Variants in FNTB observed in about 807,000 individuals in gnomAD.
FNTB encodes farnesyltransferase, CAAX box, subunit beta.
Under a neutral mutation model 59.4 loss-of-function variants are expected in FNTB, and 27 were observed. The ratio of observed to expected loss-of-function variants is 0.45; its 90% CI spans 0.34 to 0.63. The LOEUF is 0.63. Ranked by LOEUF, FNTB falls within the 20% of genes least tolerant of loss-of-function variation. The pLI is 0.02. For synonymous variants in FNTB, 230 were observed against 220.7 expected (o/e 1.04, Z -0.37); for missense variants, 449 against 559.6 (o/e 0.80, Z 1.99).
intron 9 of FNTB, among the ~76,000 whole-genome samples, chr14:65,049,938 G>A (rs983868008): frequency 1.3e-5 from 2 of 151,636 alleles, no homozygotes; most frequent in Admixed American, 6.6e-5. Context: ...AAATCGTGAA[G>A]GAAAAATCAA....
In FNTB at chr14:65,032,799, A is replaced by C. The variant is rs1213226194; in HGVS notation, c.692+103A>C. ...GCAGAGGGACTTGGAAGGAAATACA[A>C]AAATCACAGGAGATCCATTAGGGTT... On this transcript the variant is annotated intron_variant, in intron 7 of 11. Transcript: ENST00000246166. This position sits in a 1 kb window ranked among gnomAD's most constrained non-coding sequence, Gnocchi z 5.0. The C allele has an allele frequency of 1.8e-6, 2 of 1,118,144 alleles. No homozygotes were observed. The highest frequency in any genetic ancestry group is 2.5e-6 in the Non-Finnish European group (2 of 801,868). 69.3% of individuals were successfully genotyped at this position (1,118,144 alleles called of 1,614,324 possible). A position where few individuals can be genotyped will look rare whatever the true frequency, so the allele number is the denominator to read the frequency against.
At chr14:65,045,479 G>A (rs927303418) in intron 9 of FNTB, among the ~76,000 whole-genome samples, 2 of 131,662 alleles carry the variant, frequency 1.5e-5, no homozygotes, top group Non-Finnish European at 1.5e-5. Flanking sequence ...GCAGTGGCAC[G>A]ATCTTGGCTC....
At position 65,044,045 on chromosome 14, in the gene FNTB, T is replaced by TTCC. The variant is rs2062420070; in HGVS notation, c.823-265_823-264insCCT. ...TTATCTTCTCAGCACTGGCACTGCT[T>TTCC]TGGAACCCAGGAAAAGGTAGTTGTC... On this transcript the variant is annotated intron_variant, in intron 8 of 11. Transcript: ENST00000246166. This position sits in a 1 kb window ranked among gnomAD's most constrained non-coding sequence, Gnocchi z 5.5. Among the ~76,000 whole-genome samples the TTCC allele has an allele frequency of 6.6e-6, 1 of 152,042 alleles. No individual in the cohort carries two copies. The highest frequency in any genetic ancestry group is 1.5e-5 in the Non-Finnish European group (1 of 68,006).
Position 65,061,258 on chromosome 14 carries a change from C to T in FNTB, c.1260C>T (p.Val420=), listed in dbSNP as rs1413600303. Residue 420 remains valine, a synonymous_variant, in exon 12 of 12, where the codon GTC becomes GTT. Coordinates refer to ENST00000246166, the MANE Select transcript of FNTB (RefSeq NM_002028.4). Reference sequence around the variant, plus strand: ...CTACATACTTTCTACAGAAGCCAGTCCCAGGTTTTGAGGAGCTTAAGGATG... The same window carrying T: ...CTACATACTTTCTACAGAAGCCAGTTCCAGGTTTTGAGGAGCTTAAGGATG... ...QATTYFLQKP[V]PGFEELKDET... 19 of 1,614,052 alleles carry T rather than the reference C, an allele frequency of 1.2e-5. No individual in the cohort carries two copies. The highest frequency in any genetic ancestry group is 1.5e-5 in the Non-Finnish European group (18 of 1,180,046).
intron 8 of FNTB, among the ~76,000 whole-genome samples, chr14:65,042,492 C>G (rs1471080680): frequency 6.6e-6 from 1 of 152,148 alleles, no homozygotes. Context: ...TGCTGCTGAT[C>G]TGTCAGGAAG....
chr14:64,996,033 G>T (rs1426434205), intron 1 of FNTB, among the ~76,000 whole-genome samples: 1 of 149,950 alleles, frequency 6.7e-6, no homozygotes, highest in Non-Finnish European at 1.5e-5. Flanking sequence ...TGAGGCAGGA[G>T]AATCGCTTGA....
At chr14:65,008,851 A>G (rs1339348274) in intron 2 of FNTB, among the ~76,000 whole-genome samples, 1 of 152,092 alleles carries the variant, frequency 6.6e-6, no homozygotes, top group Non-Finnish European at 1.5e-5. Context: ...GTACACATAG[A>G]TGTGTAAGTT....
chr14:65,053,626 T>TAAAAAAAAAACAAAAAA (rs201689378), intron 10 of FNTB, among the ~76,000 whole-genome samples: 2 of 144,394 alleles, frequency 1.4e-5, no homozygotes, highest in African/African-American at 5.3e-5. Context: ...TTCTTTTTTT[T>TAAAAAAAAAACAAAAAA]AAAAAAAACA....
chr14:65,061,096 G>T, intron 11 of FNTB, 85 bp from the exon 12 acceptor site: 3 of 1,558,088 alleles, frequency 1.9e-6, no homozygotes, highest in Non-Finnish European at 2.6e-6. Context: ...TAAATTCTTA[G>T]AAGTGCCTTT....
rs116194136 is a variant in FNTB, at chr14:65,013,248, T to C, written c.282+859T>C. Among the ~76,000 whole-genome samples, 1,392 of 152,158 alleles carry C rather than the reference T, an allele frequency of 9.1e-3. 22 individuals are homozygous for C. The highest frequency in any genetic ancestry group is 0.031 in the African/African-American group (1,290 of 41,508). ...GGAGACTGAGGCTAACTGGAGACCC[T>C]GTGCCCTTAACTTCTTTCCTGCCCA... On this transcript the variant is annotated intron_variant, in intron 3 of 11. Coordinates refer to ENST00000246166, the MANE Select transcript of FNTB (RefSeq NM_002028.4).
intron 2 of FNTB, among the ~76,000 whole-genome samples, chr14:65,005,038 A>G (rs1168104693): frequency 6.6e-6 from 1 of 152,168 alleles, no homozygotes; most frequent in African/African-American, 2.4e-5. Context: ...TTATTATTTG[A>G]CTGGAAAAAC....
chr14:65,047,897 C>T lies in FNTB; in HGVS notation c.955+3454C>T, dbSNP rs2062517977. Among the ~76,000 whole-genome samples, 1 of 151,776 alleles carries T rather than the reference C, an allele frequency of 6.6e-6. No individual in the cohort carries two copies. The highest frequency in any genetic ancestry group is 2.1e-4 in the South Asian group (1 of 4,824). On this transcript the variant is annotated intron_variant, in intron 9 of 11. Transcript: ENST00000246166. This position sits in a 1 kb window ranked among gnomAD's most constrained non-coding sequence, Gnocchi z 5.2. ...GAGATGTACACAGCTTTTCCTGGAA[C>T]CCTACACAAAACCCCTTGAACAATG...
At position 65,009,411 on chromosome 14, in the gene FNTB, C is replaced by T. The variant is rs114174194; in HGVS notation, c.210-2906C>T. 3.8e-3 allele frequency among the ~76,000 whole-genome samples: 571 copies of T among 152,228 alleles called. 3 individuals are homozygous for T. The highest frequency in any genetic ancestry group is 0.013 in the African/African-American group (531 of 41,528). ...GTAGATTCCCTAACACACCCACCAC[C>T]GTGGCCACTCCACAGCTCTCCCACC... is the stretch of plus-strand genomic sequence containing the variant. On this transcript the variant is annotated intron_variant, in intron 2 of 11. Coordinates refer to ENST00000246166, the MANE Select transcript of FNTB (RefSeq NM_002028.4). The surrounding 1 kb of genome is among the most constrained non-coding windows in gnomAD (Gnocchi z 4.2).
intron 11 of FNTB, among the ~76,000 whole-genome samples, chr14:65,059,929 G>A (rs1050087936): frequency 4.6e-5 from 7 of 150,930 alleles, no homozygotes; most frequent in Admixed American, 3.3e-4. Context: ...CGCCTCCCGG[G>A]TTCAAGCAAT....
chr14:65,026,591 G>A (rs1018260946), intron 4 of FNTB, among the ~76,000 whole-genome samples: 1 of 152,180 alleles, frequency 6.6e-6, no homozygotes, highest in Non-Finnish European at 1.5e-5. Context: ...CGGATGCAGT[G>A]GCTCACACCT....
At position 65,054,819 on chromosome 14, in the gene FNTB, C is replaced by A. The variant is rs1485746179; in HGVS notation, c.1182+130C>A. 9.8e-7 allele frequency: 1 copy of A among 1,019,772 alleles called. No individual in the cohort carries two copies. The highest frequency in any genetic ancestry group is 1.6e-5 in the African/African-American group (1 of 62,758). 63.2% of individuals were successfully genotyped at this position (1,019,772 alleles called of 1,614,324 possible). A position where few individuals can be genotyped will look rare whatever the true frequency, so the allele number is the denominator to read the frequency against. On this transcript the variant is annotated intron_variant, in intron 11 of 11. Coordinates refer to ENST00000246166, the MANE Select transcript of FNTB (RefSeq NM_002028.4). This position sits in a 1 kb window ranked among gnomAD's most constrained non-coding sequence, Gnocchi z 4.4. ...GGAAGCTTGTGGTCCCTCTGCCCTT[C>A]GAGCTGTGCAGCCGTTAGTGAGGAT... is the stretch of plus-strand genomic sequence containing the variant.
In FNTB at chr14:65,029,245, G is replaced by A. The variant is rs2062037111; in HGVS notation, c.605+1464G>A. Among the ~76,000 whole-genome samples, 1 of 152,140 alleles carries A rather than the reference G, an allele frequency of 6.6e-6. No individual in the cohort carries two copies. The highest frequency in any genetic ancestry group is 6.5e-5 in the Admixed American group (1 of 15,276). Reference sequence around the variant, plus strand: ...TGCATCCATTTTCCTTGCTTTGCCTGGTTTCTAGTACCCCGATTCCATCAT... The same window carrying A: ...TGCATCCATTTTCCTTGCTTTGCCTAGTTTCTAGTACCCCGATTCCATCAT... On this transcript the variant is annotated intron_variant, in intron 6 of 11. Coordinates refer to ENST00000246166, the MANE Select transcript of FNTB (RefSeq NM_002028.4). This position sits in a 1 kb window ranked among gnomAD's most constrained non-coding sequence, Gnocchi z 4.7.
intron 7 of FNTB, among the ~76,000 whole-genome samples, chr14:65,037,421 T>TTTTTTTTTTTTTTTTTTTTTG (rs2062223956): frequency 9.2e-6 from 1 of 108,682 alleles, no homozygotes; most frequent in African/African-American, 4.0e-5. Context: ...TTTTTTTTTT[T>TTTTTTTTTTTTTTTTTTTTTG]TTTTTTTTTT....
At chr14:65,059,835 T>TCC (rs1401599922) in intron 11 of FNTB, among the ~76,000 whole-genome samples, 1 of 131,760 alleles carries the variant, frequency 7.6e-6, no homozygotes, top group African/African-American at 3.8e-5. Flanking sequence ...TGGTCCTTTT[T>TCC]TCTTTTTTTT....
Sources: allele counts gnomAD v4.1 joint callset (sites outside exome capture counted in the v4.1 genomes callset), GRCh38; gene constraint gnomAD v4.1.1; non-coding constraint Gnocchi (gnomAD v3.1); transcripts MANE v1.5; gene names NCBI Gene and HGNC (gene_info 2026-07-23, HGNC 2026-07-21).